ATXN10: variants seen among roughly 807,000 people sequenced by gnomAD.
ATXN10 encodes the protein ataxin 10.
A neutral mutation model predicts 52.9 loss-of-function variants in ATXN10; 28 were observed. That is an observed-to-expected ratio of 0.53 (90% CI 0.39 to 0.73). ATXN10 has a LOEUF of 0.73. ATXN10 is among the 30% of genes least tolerant of loss of function. The pLI is 0.00. For missense variants in ATXN10, 565 were observed against 577.0 expected, an observed-to-expected ratio of 0.98 and a Z score of 0.21; for synonymous variants, 226 against 221.5, an observed-to-expected ratio of 1.02 and a Z score of -0.18.
chr22:45,699,187 G>C (rs1328563585), intron 3 of ATXN10, among the ~76,000 whole-genome samples: 1 of 152,102 alleles, frequency 6.6e-6, no homozygotes, highest in Non-Finnish European at 1.5e-5. Flanking sequence ...ATTTTTGAGG[G>C]TCTTCATAAC....
intron 9 of ATXN10, among the ~76,000 whole-genome samples, chr22:45,794,080 G>A (rs58401605): frequency 0.12 from 18,136 of 152,278 alleles, 1,161 homozygotes; most frequent in Middle Eastern, 0.16. Context: ...GGTTGTTGCT[G>A]TGGAAAGGGG....
Position 45,786,956 on chromosome 22 carries a change from A to C in ATXN10, c.1174-20003A>C, listed in dbSNP as rs186158988. ...ATAATCAGTGATGAGGTTAAAAAAAATTGTCTATATGGATGCTCATTGCAT... is the reference window on the plus strand; with the variant it reads ...ATAATCAGTGATGAGGTTAAAAAAACTTGTCTATATGGATGCTCATTGCAT... On this transcript the variant is annotated intron_variant, in intron 9 of 11. Transcript: ENST00000252934. The surrounding 1 kb of genome is among the most constrained non-coding windows in gnomAD (Gnocchi z 4.1). 6.6e-6 allele frequency among the ~76,000 whole-genome samples: 1 copy of C among 152,294 alleles called. No homozygotes were observed. The highest frequency in any genetic ancestry group is 1.9e-4 in the East Asian group (1 of 5,178).
rs71315146 is a variant in ATXN10, at chr22:45,727,331, ATATCTATC to A, written c.729-2056_729-2049del. The stretch of plus-strand genomic sequence containing the variant: ...GTTCTGTCTGTCTGTCTATCTATCT[ATATCTATC>A]TATCTATCTATCTATCTATCTATCT... On this transcript the variant is annotated intron_variant, in intron 6 of 11. Coordinates refer to ENST00000252934, the MANE Select transcript of ATXN10 (RefSeq NM_013236.4). The surrounding 1 kb of genome is among the most constrained non-coding windows in gnomAD (Gnocchi z 4.6). 2.7e-3 allele frequency among the ~76,000 whole-genome samples: 392 copies of A among 146,790 alleles called. No homozygotes were observed. The highest frequency in any genetic ancestry group is 5.4e-3 in the South Asian group (24 of 4,468).
rs762529402 is a variant in ATXN10 at position 45,729,782 on chromosome 22, A to G, written c.894+192A>G. The G allele has an allele frequency of 8.8e-6, 6 of 684,810 alleles. No individual in the cohort carries two copies. In the East Asian group the frequency reaches 1.2e-4, roughly 14 times the overall value. The allele number at this position is 684,810 out of a possible 1,614,324, so 42.4% of individuals were successfully genotyped here. ...TCCTTATTCCTACCATCCAGAGTCA[A>G]TGACTTAGGCAAATTCTGGTTAATT... On this transcript the variant is annotated intron_variant, in intron 7 of 11. Coordinates refer to ENST00000252934, the MANE Select transcript of ATXN10 (RefSeq NM_013236.4).
intron 9 of ATXN10, among the ~76,000 whole-genome samples, chr22:45,797,328 C>T (rs1927777511): frequency 6.6e-6 from 1 of 152,106 alleles, no homozygotes; most frequent in South Asian, 2.1e-4. Context: ...CATAACAGTG[C>T]TCAATAAATG....
chr22:45,771,900 A>G (rs1926793399), intron 9 of ATXN10, among the ~76,000 whole-genome samples: 1 of 152,210 alleles, frequency 6.6e-6, no homozygotes, highest in African/African-American at 2.4e-5. Context: ...CTGAGCCTAC[A>G]GGTGCTTGCC....
intron 10 of ATXN10, among the ~76,000 whole-genome samples, chr22:45,813,455 C>CTT (rs3884890): frequency 0.094 from 12,659 of 134,578 alleles, 755 homozygotes; most frequent in Middle Eastern, 0.15. Context: ...TTCTTCATTT[C>CTT]TTTTTTTTTT....
At chr22:45,834,736 T>G (rs1220314092) in intron 10 of ATXN10, among the ~76,000 whole-genome samples, 1 of 152,130 alleles carries the variant, frequency 6.6e-6, no homozygotes, top group African/African-American at 2.4e-5. Flanking sequence ...GATAGGAGTC[T>G]GAGCACATGG....
intron 6 of ATXN10, among the ~76,000 whole-genome samples, chr22:45,722,865 A>C (rs1479563292): frequency 6.6e-6 from 1 of 151,872 alleles, no homozygotes; most frequent in East Asian, 1.9e-4. Context: ...GTTGTAATCC[A>C]TCTGTTTTCT....
At chr22:45,838,484 A>G (rs901522563) in intron 10 of ATXN10, among the ~76,000 whole-genome samples, 3 of 152,222 alleles carry the variant, frequency 2.0e-5, no homozygotes, top group Non-Finnish European at 2.9e-5. Flanking sequence ...TGTAGTAGCT[A>G]TGGAAACGTT....
chr22:45,735,541 A>G (rs1925259334), intron 7 of ATXN10, among the ~76,000 whole-genome samples: 2 of 152,210 alleles, frequency 1.3e-5, no homozygotes, highest in African/African-American at 4.8e-5. Context: ...TTTATATGCC[A>G]TAAAGGAACA....
chr22:45,740,269 G>A lies in ATXN10; in HGVS notation c.1004-100G>A, dbSNP rs1261410164. 12 of 1,139,528 alleles carry A rather than the reference G, an allele frequency of 1.1e-5. No homozygotes were observed. In the Admixed American group the frequency reaches 2.2e-4, roughly 20 times the overall value. 70.6% of individuals were successfully genotyped at this position (1,139,528 alleles called of 1,614,324 possible). On this transcript the variant is annotated intron_variant, in intron 8 of 11. Transcript: ENST00000252934. Reference sequence around the variant, plus strand: ...TAAAGCTTTCTGTGCTCTACCTTTAGCCTATTACAATAAATTAGATTTGTC... The same window carrying A: ...TAAAGCTTTCTGTGCTCTACCTTTAACCTATTACAATAAATTAGATTTGTC...
chr22:45,837,563 A>G lies in ATXN10; in HGVS notation c.1238-5428A>G, dbSNP rs375228419. Among the ~76,000 whole-genome samples, 15 of 152,330 alleles carry G rather than the reference A, an allele frequency of 9.8e-5. No homozygotes were observed. Among genetic ancestry groups the G allele is most frequent in the East Asian group, 3.9e-4 (2 of 5,184 alleles). On this transcript the variant is annotated intron_variant, in intron 10 of 11. Coordinates refer to ENST00000252934, the MANE Select transcript of ATXN10 (RefSeq NM_013236.4). The surrounding 1 kb of genome is among the most constrained non-coding windows in gnomAD (Gnocchi z 5.8). ...AGGCGTGAGCCACTATGCCCGGCCT[A>G]TTTATTTATTAATTCAACAAATATC...
chr22:45,739,551 A>T (rs3788676), intron 8 of ATXN10, among the ~76,000 whole-genome samples: 12,929 of 152,224 alleles, frequency 0.085, 687 homozygotes, highest in Middle Eastern at 0.16. Context: ...TTGTATTTTG[A>T]GTACATTGCT....
intron 9 of ATXN10, among the ~76,000 whole-genome samples, chr22:45,756,542 A>G (rs936376408): frequency 6.6e-6 from 1 of 152,226 alleles, no homozygotes. Flanking sequence ...TACCAACTTT[A>G]AGCAAGAGAA....
At chr22:45,675,501 T>C (rs1922648212) in intron 1 of ATXN10, 1 of 152,280 alleles carries the variant, frequency 6.6e-6, no homozygotes, top group Non-Finnish European at 1.5e-5. Context: ...GCTAGCTCTT[T>C]CTTGAATCAC....
At chr22:45,672,239 C>A (rs1190263038) in intron 1 of ATXN10, 60 bp downstream of exon 1, 49 of 1,408,408 alleles carry the variant, frequency 3.5e-5, no homozygotes, top group Non-Finnish European at 5.5e-6. Flanking sequence ...ACTCCCGCGG[C>A]GGCCCCGGCC....
At chr22:45,794,894 G>T (rs1927654025) in intron 9 of ATXN10, among the ~76,000 whole-genome samples, 1 of 152,160 alleles carries the variant, frequency 6.6e-6, no homozygotes, top group Non-Finnish European at 1.5e-5. Context: ...TGGGTAAAAA[G>T]AAAAGATTTC....
intron 9 of ATXN10, among the ~76,000 whole-genome samples, chr22:45,771,263 C>T (rs1017154479): frequency 3.9e-5 from 6 of 152,164 alleles, no homozygotes; most frequent in Non-Finnish European, 5.9e-5. Flanking sequence ...CTCTGCACAT[C>T]CTCGTCAGCT....
Sources: allele counts gnomAD v4.1 joint callset (sites outside exome capture counted in the v4.1 genomes callset), GRCh38; gene constraint gnomAD v4.1.1; non-coding constraint Gnocchi (gnomAD v3.1); transcripts MANE v1.5; gene names NCBI Gene and HGNC (gene_info 2026-07-23, HGNC 2026-07-21).